Variants in GLT8D1 observed in about 807,000 individuals in gnomAD.
GLT8D1 encodes glycosyltransferase 8 domain-containing protein 1.
In GLT8D1, 41 loss-of-function variants were observed where a neutral mutation model predicts 46.2. That is an observed-to-expected ratio of 0.89 (90% CI 0.69 to 1.15). GLT8D1 has a LOEUF of 1.15. Ranked by LOEUF, GLT8D1 falls within the 50% of genes most tolerant of loss-of-function variation. The probability of loss-of-function intolerance (pLI) is 0.00; values close to 1 mark genes in which losing one functional copy is unlikely to be tolerated. For synonymous variants in GLT8D1, 150 were observed against 154.2 expected (o/e 0.97, Z 0.20); for missense variants, 408 against 449.3 (o/e 0.91, Z 0.83).
Position 52,695,417 on chromosome 3 carries a change from T to A in GLT8D1, c.812+4A>T. 6.2e-7 allele frequency: 1 copy of A among 1,612,648 alleles called. No homozygotes were observed. The highest frequency in any genetic ancestry group is 8.5e-7 in the Non-Finnish European group (1 of 1,178,848). ...TTTCACAGCTAGGCCAGTTACATACTTACTCTACATTGAGTTTCATCCATT... is the reference window on the plus strand; with the variant it reads ...TTTCACAGCTAGGCCAGTTACATACATACTCTACATTGAGTTTCATCCATT... On this transcript the variant is annotated splice_donor_region_variant and intron_variant, in intron 8 of 9. Coordinates refer to ENST00000266014, the MANE Select transcript of GLT8D1 (RefSeq NM_018446.4).
At position 52,695,846 on chromosome 3, in the gene GLT8D1, G is replaced by C; in HGVS notation, c.645+82C>G. ...ATGAAATGATTGGGGAGTGTAAATT[G>C]CAGCAAAAGAGTTCCCTGAATTTGC... On this transcript the variant is annotated intron_variant, in intron 7 of 9. Coordinates refer to ENST00000266014, the MANE Select transcript of GLT8D1 (RefSeq NM_018446.4). The C allele has an allele frequency of 5.0e-6, 4 of 801,964 alleles. No individual in the cohort carries two copies. The South Asian group carries it at 6.4e-5, about 13-fold the overall frequency. The allele number at this position is 801,964 out of a possible 1,614,324, so 49.7% of individuals were successfully genotyped here.
intron 4 of GLT8D1, 52 bp from the exon 5 acceptor site, chr3:52,696,711 A>G (rs1437428604): frequency 3.0e-6 from 3 of 984,310 alleles, no homozygotes; most frequent in African/African-American, 3.2e-5. Flanking sequence ...CTCCAAACCA[A>G]TGAGGGAATA....
At position 52,694,703 on chromosome 3, in the gene GLT8D1, A is replaced by T. The variant is rs2097331012; in HGVS notation, c.*142T>A. On this transcript the variant is annotated 3_prime_UTR_variant, in exon 10 of 10. Transcript: ENST00000266014. The stretch of plus-strand genomic sequence containing the variant: ...TGGGAAGCTGACTGCCAGACAGGGC[A>T]GTTTGTCATCTTTACCTAGCTGACA... 1.4e-6 allele frequency: 1 copy of T among 693,906 alleles called. No homozygotes were observed. The highest frequency in any genetic ancestry group is 2.7e-5 in the East Asian group (1 of 37,254). The allele number at this position is 693,906 out of a possible 1,614,324, so 43.0% of individuals were successfully genotyped here. A position where few individuals can be genotyped will look rare whatever the true frequency, so the allele number is the denominator to read the frequency against.
intron 4 of GLT8D1, 58 bp from the exon 5 acceptor site, chr3:52,696,717 GA>G: frequency 1.0e-6 from 1 of 952,566 alleles, no homozygotes; most frequent in Non-Finnish European, 1.7e-6. Context: ...ACCAATGAGG[GA>G]ATAATGCAAA....
intron 3 of GLT8D1, among the ~76,000 whole-genome samples, chr3:52,699,632 C>T (rs1242433779): frequency 6.6e-6 from 1 of 152,182 alleles, no homozygotes; most frequent in African/African-American, 2.4e-5. Flanking sequence ...AGCCACTGCT[C>T]CCGGCCGCTG....
intron 4 of GLT8D1, 45 bp from the exon 5 acceptor site, chr3:52,696,704 C>A: frequency 1.9e-6 from 2 of 1,047,522 alleles, no homozygotes; most frequent in Non-Finnish European, 3.0e-6. Context: ...ATAATGTCTC[C>A]AAACCAATGA....
chr3:52,694,766 G>T lies in GLT8D1; in HGVS notation c.*79C>A. The T allele has an allele frequency of 2.0e-6, 2 of 985,208 alleles. No homozygotes were observed. Among genetic ancestry groups the T allele is most frequent in the South Asian group, 1.3e-5 (1 of 77,040 alleles). The allele number at this position is 985,208 out of a possible 1,614,324, so 61.0% of individuals were successfully genotyped here. On this transcript the variant is annotated 3_prime_UTR_variant, in exon 10 of 10. Coordinates refer to ENST00000266014, the MANE Select transcript of GLT8D1 (RefSeq NM_018446.4). The stretch of plus-strand genomic sequence containing the variant: ...TGGCTTGCTACCGATAGGCATTGAA[G>T]CCTAGCAACTGTTACTTCCCACGCA...
rs2097343726 is a variant in GLT8D1 at position 52,705,705 on chromosome 3, T to C, written c.-295A>G. The C allele has an allele frequency of 2.0e-6, 1 of 510,212 alleles. No individual in the cohort carries two copies. Among genetic ancestry groups the C allele is most frequent in the Non-Finnish European group, 2.8e-6 (1 of 359,422 alleles). 31.6% of individuals were successfully genotyped at this position (510,212 alleles called of 1,614,324 possible). A position where few individuals can be genotyped will look rare whatever the true frequency, so the allele number is the denominator to read the frequency against. On this transcript the variant is annotated 5_prime_UTR_variant, in exon 1 of 10. Coordinates refer to ENST00000266014, the MANE Select transcript of GLT8D1 (RefSeq NM_018446.4). ...CACGCTGGGCCGAGCACACTTGCCC[T>C]CTAGCTCCGTGGCAGCCGCGCAGCC...
chr3:52,695,882 C>T (rs766818676), intron 7 of GLT8D1, 46 bp downstream of exon 7: 6 of 1,116,192 alleles, frequency 5.4e-6, no homozygotes, highest in Admixed American at 3.6e-5. Context: ...AACCTCTTCC[C>T]ATTAAACAAT....
Position 52,696,087 on chromosome 3 carries a change from G to A in GLT8D1, c.533-47C>T, listed in dbSNP as rs1022615738. 3.0e-6 allele frequency: 4 copies of A among 1,322,896 alleles called. No homozygotes were observed. The African/African-American group carries it at 5.8e-5, about 19-fold the overall frequency. The allele number at this position is 1,322,896 out of a possible 1,614,324, so 81.9% of individuals were successfully genotyped here. ...GATTTACATTTCCGTTGCCTTGAGAGTTCCCTGTTACTCCCACTTCTCCCT... is the reference window on the plus strand; with the variant it reads ...GATTTACATTTCCGTTGCCTTGAGAATTCCCTGTTACTCCCACTTCTCCCT... On this transcript the variant is annotated intron_variant, in intron 6 of 9. Transcript: ENST00000266014.
chr3:52,697,597 T>TCACTGTACAAATTG, intron 4 of GLT8D1, 124 bp downstream of exon 4: 1 of 741,948 alleles, frequency 1.3e-6, no homozygotes, highest in Non-Finnish European at 2.4e-6. Context: ...TTTGTACAGT[T>TCACTGTACAAATTG]TATCACTGGT....
chr3:52,698,311 A>G (rs1176674572), intron 3 of GLT8D1, among the ~76,000 whole-genome samples: 1 of 152,252 alleles, frequency 6.6e-6, no homozygotes, highest in Admixed American at 6.5e-5. Context: ...TCAAGTCACG[A>G]ATCACAAGTA....
chr3:52,695,175 G>T lies in GLT8D1; in HGVS notation c.925+15C>A, dbSNP rs773877201. 3.8e-6 allele frequency: 6 copies of T among 1,565,926 alleles called. No individual in the cohort carries two copies. The highest frequency in any genetic ancestry group is 5.3e-6 in the Non-Finnish European group (6 of 1,136,952). On this transcript the variant is annotated intron_variant, in intron 9 of 9. Transcript: ENST00000266014. ...AATTCTTTACTAGCTTATGCCACTG[G>T]TTAATTCTACTTACCAAGGTGGCGG...
chr3:52,694,797 T>C lies in GLT8D1; in HGVS notation c.*48A>G. On this transcript the variant is annotated 3_prime_UTR_variant, in exon 10 of 10. Coordinates refer to ENST00000266014, the MANE Select transcript of GLT8D1 (RefSeq NM_018446.4). The stretch of plus-strand genomic sequence containing the variant: ...CAACTGTTACTTCCCACGCATGCTA[T>C]CTTCCAGGACTTCCTGAGAAATGCT... 3.8e-6 allele frequency: 5 copies of C among 1,323,282 alleles called. No individual in the cohort carries two copies. Among genetic ancestry groups the C allele is most frequent in the Non-Finnish European group, 5.5e-6 (5 of 915,072 alleles). 82.0% of individuals were successfully genotyped at this position (1,323,282 alleles called of 1,614,324 possible).
In GLT8D1 at chr3:52,694,958, G is replaced by T; in HGVS notation, c.1003C>A (p.Pro335Thr). 6.2e-7 allele frequency: 1 copy of T among 1,610,132 alleles called. No individual in the cohort carries two copies. The highest frequency in any genetic ancestry group is 8.5e-7 in the Non-Finnish European group (1 of 1,176,374). Residue 335 changes from proline (P) to threonine (T), a missense_variant, in exon 10 of 10, where the codon CCA becomes ACA. Physicochemically the swap from Pro to Thr is conservative, Grantham distance 38. Coordinates refer to ENST00000266014, the MANE Select transcript of GLT8D1 (RefSeq NM_018446.4). ...KLLHWNGHLK[P>T]WGRTASYTDV... ...GTATATGAAGCAGTCCTTCCCCATG[G>T]CTTCAAATGTCCATTCCAATGGAGT...
At chr3:52,702,653 C>G (rs1294864926) in intron 1 of GLT8D1, among the ~76,000 whole-genome samples, 1 of 152,106 alleles carries the variant, frequency 6.6e-6, no homozygotes, top group Non-Finnish European at 1.5e-5. Context: ...GCTGCCTGAG[C>G]CCAGGAGTTC....
At chr3:52,704,458 CAAAAAAAAAAAAAA>C (rs60851820) in intron 1 of GLT8D1, among the ~76,000 whole-genome samples, 4 of 53,558 alleles carry the variant, frequency 7.5e-5, no homozygotes, top group Non-Finnish European at 1.4e-4. Flanking sequence ...GTCTTCGCCT[CAAAAAAAAAAAAAA>C]AAAAAAAAAA....
intron 1 of GLT8D1, among the ~76,000 whole-genome samples, chr3:52,701,976 CA>C (rs1326173823): frequency 6.6e-6 from 1 of 152,220 alleles, no homozygotes; most frequent in Non-Finnish European, 1.5e-5. Context: ...CCAACCCTTA[CA>C]TAAGGCTATT....
Position 52,695,926 on chromosome 3 carries a change from A to C in GLT8D1, c.645+2T>G, listed in dbSNP as rs755696406. 6.5e-7 allele frequency: 1 copy of C among 1,549,728 alleles called. No individual in the cohort carries two copies. Among genetic ancestry groups the C allele is most frequent in the Non-Finnish European group, 8.9e-7 (1 of 1,121,550 alleles). On this transcript the variant is annotated splice_donor_variant, in intron 7 of 9. Transcript: ENST00000266014. LOFTEE classifies it high-confidence loss of function. ...AAGAGGGGTGTTTGGTAAGCAATTT[A>C]CCTGGTTTCCTGCTCCACGGATGAC...
Sources: gnomAD v4.1 joint callset for allele counts (sites outside exome capture counted in the v4.1 genomes callset) on GRCh38, gnomAD v4.1.1 for gene constraint, MANE v1.5 for transcripts, NCBI Gene and HGNC (gene_info 2026-07-23, HGNC 2026-07-21) for gene names.